The following CTNNA3 variants were observed in gnomAD, a reference collection of about 807,000 sequenced individuals.
The protein encoded by CTNNA3 is catenin alpha-3.
Under a neutral mutation model 95.7 loss-of-function variants are expected in CTNNA3, and 76 were observed. That is an observed-to-expected ratio of 0.79 (90% confidence interval 0.66 to 0.96). CTNNA3 has a LOEUF of 0.96. Ranked by LOEUF, CTNNA3 falls within the 40% of genes least tolerant of loss-of-function variation. The pLI is 0.00. For synonymous variants in CTNNA3, 431 were observed against 374.4 expected (o/e 1.15, Z -1.74); for missense variants, 1,191 against 1,089.8 (o/e 1.09, Z -1.31).
At chr10:66,776,441 A>G (rs1564675662) in intron 7 of CTNNA3, among the ~76,000 whole-genome samples, 3 of 152,200 alleles carry the variant, frequency 2.0e-5, no homozygotes, top group South Asian at 4.1e-4. Context: ...ACTGAGGCCA[A>G]GTATAAACCA....
At chr10:66,756,102 T>A (rs879492446) in intron 9 of CTNNA3, among the ~76,000 whole-genome samples, 2 of 152,166 alleles carry the variant, frequency 1.3e-5, no homozygotes, top group Non-Finnish European at 2.9e-5. Flanking sequence ...ATCATATTGC[T>A]AGCTAAGAAA....
At chr10:66,170,570 T>G (rs1435713849) in intron 13 of CTNNA3, among the ~76,000 whole-genome samples, 1 of 151,914 alleles carries the variant, frequency 6.6e-6, no homozygotes, top group East Asian at 1.9e-4. Context: ...AGTGTTTACT[T>G]GGAAAGAGAG....
intron 3 of CTNNA3, among the ~76,000 whole-genome samples, chr10:67,563,857 G>T (rs574987263): frequency 8.0e-5 from 12 of 149,838 alleles, no homozygotes; most frequent in Non-Finnish European, 1.5e-4. Context: ...CTTCTCAAAA[G>T]AAGACATTTA....
chr10:67,143,664 T>C (rs889707516), intron 7 of CTNNA3, among the ~76,000 whole-genome samples: 3 of 152,160 alleles, frequency 2.0e-5, no homozygotes, highest in African/African-American at 7.2e-5. Flanking sequence ...AAGCCACTTC[T>C]AATCCACGAT....
intron 11 of CTNNA3, among the ~76,000 whole-genome samples, chr10:66,413,080 G>A (rs1036975400): frequency 6.6e-5 from 10 of 151,988 alleles, no homozygotes; most frequent in Non-Finnish European, 1.3e-4. Flanking sequence ...TTTGAAACAG[G>A]ATACAACTTA....
chr10:66,031,705 T>A (rs1036560481), intron 15 of CTNNA3, among the ~76,000 whole-genome samples: 4 of 152,172 alleles, frequency 2.6e-5, no homozygotes, highest in African/African-American at 9.6e-5. Flanking sequence ...GTCCTGAACC[T>A]AAAAGTTGAA....
intron 7 of CTNNA3, among the ~76,000 whole-genome samples, chr10:66,846,099 T>G (rs1843263239): frequency 6.6e-6 from 1 of 151,174 alleles, no homozygotes; most frequent in Non-Finnish European, 1.5e-5. Context: ...GCCACTGCAC[T>G]CCAGCCTGGG....
At chr10:66,835,463 CTT>C (rs1185549421) in intron 7 of CTNNA3, among the ~76,000 whole-genome samples, 1 of 152,212 alleles carries the variant, frequency 6.6e-6, no homozygotes, top group Non-Finnish European at 1.5e-5. Context: ...GATTCTGACT[CTT>C]AGGCCAGCTA....
intron 15 of CTNNA3, among the ~76,000 whole-genome samples, chr10:66,055,238 C>T (rs961357802): frequency 6.6e-6 from 1 of 151,914 alleles, no homozygotes; most frequent in Admixed American, 6.6e-5. Flanking sequence ...TTTAGGATTA[C>T]TTTTTCTGTT....
intron 7 of CTNNA3, among the ~76,000 whole-genome samples, chr10:67,070,998 T>C (rs1469601973): frequency 1.3e-5 from 2 of 152,204 alleles, no homozygotes; most frequent in Non-Finnish European, 1.5e-5. Flanking sequence ...GTTGGTTCTA[T>C]ATAATTATTA....
At chr10:65,991,885 T>G (rs1053102396) in intron 15 of CTNNA3, among the ~76,000 whole-genome samples, 2 of 152,118 alleles carry the variant, frequency 1.3e-5, no homozygotes, top group Non-Finnish European at 2.9e-5. Flanking sequence ...AGCTGTGAGT[T>G]TGTAATATGT....
At chr10:67,517,071 G>C (rs1218308434) in intron 5 of CTNNA3, among the ~76,000 whole-genome samples, 3 of 152,154 alleles carry the variant, frequency 2.0e-5, no homozygotes, top group African/African-American at 7.2e-5. Context: ...TGGGAGTGCA[G>C]CTATCTCTTC....
At chr10:66,877,654 C>G (rs1030141601) in intron 7 of CTNNA3, among the ~76,000 whole-genome samples, 3 of 152,100 alleles carry the variant, frequency 2.0e-5, no homozygotes, top group African/African-American at 7.2e-5. Context: ...TCCAGCTTTC[C>G]TGCTTCGGGC....
chr10:67,050,159 T>C (rs1854992292), intron 7 of CTNNA3, among the ~76,000 whole-genome samples: 1 of 152,202 alleles, frequency 6.6e-6, no homozygotes, highest in Admixed American at 6.5e-5. Flanking sequence ...GTGTTGCACA[T>C]AGTGCATGCA....
Position 67,600,319 on chromosome 10 carries a change from T to C in CTNNA3, c.292+6538A>G, listed in dbSNP as rs113580976. Among the ~76,000 whole-genome samples, 1,338 of 152,258 alleles carry C rather than the reference T, an allele frequency of 8.8e-3. 23 individuals carry two copies. Among genetic ancestry groups the C allele is most frequent in the African/African-American group, 0.03 (1,253 of 41,572 alleles). ...TTGAAGTAGTTATGTTAACAAAGTT[T>C]TTTTTTAACAGAACATAAAAGTCTC... is the stretch of plus-strand genomic sequence containing the variant. On this transcript the variant is annotated intron_variant, in intron 3 of 17. Transcript: ENST00000433211.
rs1284606581 is a variant in CTNNA3, at chr10:67,043,131, C to CT, written c.1047+137185dup. On this transcript the variant is annotated intron_variant, in intron 7 of 17. Transcript: ENST00000433211. ...GATTTCATGCCTCAAGGCTCACTTTCTTTCTTTTTTTTTTTTTTTTTCTGT... is the reference window on the plus strand; with the variant it reads ...GATTTCATGCCTCAAGGCTCACTTTCTTTTCTTTTTTTTTTTTTTTTTCTGT... Among the ~76,000 whole-genome samples, 5 of 60,206 alleles carry CT rather than the reference C, an allele frequency of 8.3e-5. 1 individual carries two copies. Among genetic ancestry groups the CT allele is most frequent in the Non-Finnish European group, 1.6e-4 (4 of 24,554 alleles). The allele number at this position is 60,206 out of a possible 152,430, so 39.5% of individuals were successfully genotyped here. A position where few individuals can be genotyped will look rare whatever the true frequency, so the allele number is the denominator to read the frequency against.
intron 6 of CTNNA3, among the ~76,000 whole-genome samples, chr10:67,201,805 C>T (rs762957923): frequency 2.6e-5 from 4 of 152,114 alleles, no homozygotes; most frequent in Admixed American, 6.6e-5. Flanking sequence ...GATTCATCCA[C>T]GATCAGCTAC....
intron 15 of CTNNA3, among the ~76,000 whole-genome samples, chr10:66,015,836 T>C (rs1187849562): frequency 6.6e-6 from 1 of 152,184 alleles, no homozygotes. Context: ...TATCTTTTCA[T>C]ATATATGTAC....
chr10:67,405,239 C>T (rs1367930351), intron 5 of CTNNA3, among the ~76,000 whole-genome samples: 2 of 152,084 alleles, frequency 1.3e-5, no homozygotes, highest in East Asian at 1.9e-4. Context: ...AATTAAAAGA[C>T]ACAGAGTAAA....
Sources: gnomAD v4.1 joint callset for allele counts (sites outside exome capture counted in the v4.1 genomes callset) on GRCh38, gnomAD v4.1.1 for gene constraint, MANE v1.5 for transcripts, NCBI Gene and HGNC (gene_info 2026-07-23, HGNC 2026-07-21) for gene names.